The following NEO1 variants were observed in gnomAD, a reference collection of about 807,000 sequenced individuals.
The protein encoded by NEO1 is neogenin 1.
A neutral mutation model predicts 159.7 loss-of-function variants in NEO1; 63 were observed. The ratio of observed to expected loss-of-function variants is 0.39; its 90% CI spans 0.32 to 0.49. The LOEUF (loss-of-function observed/expected upper bound fraction) is 0.49. Ranked by LOEUF, NEO1 falls within the 20% of genes least tolerant of loss-of-function variation. The pLI is 0.85. For missense variants in NEO1, 1,615 were observed against 1,831.0 expected (o/e 0.88, Z 2.15); for synonymous variants, 633 against 662.0 (o/e 0.96, Z 0.67).
At chr15:73,249,766 C>G in intron 11 of NEO1, 45 bp downstream of exon 11, 1 of 1,563,272 alleles carries the variant, frequency 6.4e-7, no homozygotes. Flanking sequence ...CTTGGTGCCC[C>G]TAGTGGTTTA....
chr15:73,264,724 A>G (rs1269744751), intron 15 of NEO1, among the ~76,000 whole-genome samples: 1 of 152,138 alleles, frequency 6.6e-6, no homozygotes, highest in Non-Finnish European at 1.5e-5. Context: ...CCATATAAAC[A>G]TCTGCCTACT....
chr15:73,162,169 T>C, intron 5 of NEO1: 2 of 222,310 alleles, frequency 9.0e-6, no homozygotes, highest in Non-Finnish European at 1.9e-5. Flanking sequence ...ACTTTCCAAA[T>C]GTACCTAAGA....
At chr15:73,122,283 T>C (rs2071712489) in intron 2 of NEO1, among the ~76,000 whole-genome samples, 1 of 151,686 alleles carries the variant, frequency 6.6e-6, no homozygotes, top group Non-Finnish European at 1.5e-5. Flanking sequence ...ATTCTACCCA[T>C]CTCCTTTTCA....
chr15:73,266,386 G>A lies in NEO1; in HGVS notation c.2469G>A (p.Glu823=), dbSNP rs1390932427. 6.2e-7 allele frequency: 1 copy of A among 1,613,360 alleles called. No homozygotes were observed. The highest frequency in any genetic ancestry group is 8.5e-7 in the Non-Finnish European group (1 of 1,179,680). Residue 823 remains glutamate, a synonymous_variant, in exon 16 of 29, where the codon GAG becomes GAA. Coordinates refer to ENST00000261908, the MANE Select transcript of NEO1 (RefSeq NM_002499.4). ...NNVGEGIPLY[E]SAVTRPHTDT... The stretch of plus-strand genomic sequence containing the variant: ...TGGGTGAAGGCATCCCCCTGTATGA[G>A]AGTGCTGTGACCAGGCCTCACACAG...
At chr15:73,119,444 T>A (rs2071505902) in intron 2 of NEO1, among the ~76,000 whole-genome samples, 1 of 152,244 alleles carries the variant, frequency 6.6e-6, no homozygotes, top group Non-Finnish European at 1.5e-5. Context: ...GGTCTTTTTC[T>A]CTGAGCTGTC....
intron 1 of NEO1, among the ~76,000 whole-genome samples, chr15:73,087,231 A>G (rs569105781): frequency 4.4e-4 from 67 of 152,284 alleles, no homozygotes; most frequent in African/African-American, 1.6e-3. Context: ...AATTTTGTCA[A>G]ATACATTTCT....
At chr15:73,122,063 G>GTATATATATATA (rs200219694) in intron 2 of NEO1, among the ~76,000 whole-genome samples, 19 of 126,358 alleles carry the variant, frequency 1.5e-4, no homozygotes, top group Non-Finnish European at 2.5e-4. Context: ...GTGTGTGTGT[G>GTATATATATATA]TATATATATA....
chr15:73,272,658 T>G (rs1484449403), intron 19 of NEO1, 96 bp downstream of exon 19: 8 of 876,494 alleles, frequency 9.1e-6, no homozygotes, highest in Non-Finnish European at 1.5e-5. Flanking sequence ...AGTGGGAGTC[T>G]GAAGGCTGGC....
At chr15:73,224,889 G>A (rs1486669117) in intron 7 of NEO1, among the ~76,000 whole-genome samples, 6 of 152,042 alleles carry the variant, frequency 3.9e-5, no homozygotes, top group South Asian at 2.1e-4. Context: ...TAGTTTTGTC[G>A]TATTACCAGA....
intron 2 of NEO1, among the ~76,000 whole-genome samples, chr15:73,119,865 A>G (rs901990535): frequency 6.6e-6 from 1 of 152,240 alleles, no homozygotes; most frequent in Non-Finnish European, 1.5e-5. Context: ...AGCTGGGCGC[A>G]GTGGCTTACG....
intron 7 of NEO1, among the ~76,000 whole-genome samples, chr15:73,192,254 T>A (rs1315352223): frequency 6.8e-6 from 1 of 147,954 alleles, no homozygotes; most frequent in African/African-American, 2.5e-5. Flanking sequence ...CACTTACACA[T>A]ACATATACAC....
At chr15:73,153,750 A>G (rs1353412869) in intron 5 of NEO1, among the ~76,000 whole-genome samples, 3 of 152,228 alleles carry the variant, frequency 2.0e-5, no homozygotes, top group African/African-American at 7.2e-5. Flanking sequence ...CCTGACTTAC[A>G]TCTGATACTG....
intron 4 of NEO1, 39 bp downstream of exon 4, chr15:73,126,609 C>T (rs776703615): frequency 9.8e-5 from 156 of 1,584,678 alleles, no homozygotes; most frequent in Non-Finnish European, 1.2e-4. Context: ...TCAGCCTTAG[C>T]TTGAGACTTT....
chr15:73,080,460 G>GCAGTGTT (rs1259690264), intron 1 of NEO1, among the ~76,000 whole-genome samples: 1 of 152,082 alleles, frequency 6.6e-6, no homozygotes, highest in African/African-American at 2.4e-5. Flanking sequence ...AGAGGCTCTA[G>GCAGTGTT]CAGTGTAGTG....
At chr15:73,052,297 C>CCCCCCG (rs528003048), upstream of NEO1, among the ~76,000 whole-genome samples, 351 of 139,022 alleles carry the variant, frequency 2.5e-3, 3 homozygotes, top group East Asian at 0.025. Flanking sequence ...GGGACTCCCG[C>CCCCCCG]CCCCCGCCCC....
At chr15:73,139,071 T>G (rs1055646107) in intron 5 of NEO1, among the ~76,000 whole-genome samples, 4 of 152,194 alleles carry the variant, frequency 2.6e-5, no homozygotes, top group South Asian at 4.1e-4. Flanking sequence ...GTCTCTTCAG[T>G]AGATGGTCCT....
At chr15:73,065,417 T>C (rs2068167004) in intron 1 of NEO1, among the ~76,000 whole-genome samples, 1 of 152,204 alleles carries the variant, frequency 6.6e-6, no homozygotes, top group Non-Finnish European at 1.5e-5. Context: ...CTTTTGTCTG[T>C]CTGAAAACAT....
At chr15:73,135,849 G>C in intron 4 of NEO1, 42 bp from the exon 5 acceptor site, 4 of 1,437,338 alleles carry the variant, frequency 2.8e-6, no homozygotes, top group Non-Finnish European at 3.6e-6. Flanking sequence ...TATTTTCCTA[G>C]TACTGAAATG....
At chr15:73,117,709 A>C (rs1304148160) in intron 2 of NEO1, among the ~76,000 whole-genome samples, 1 of 152,174 alleles carries the variant, frequency 6.6e-6, no homozygotes, top group Non-Finnish European at 1.5e-5. Context: ...TTCAGAGCAT[A>C]ATGGCTGGTT....
Sources: gnomAD v4.1 joint callset for allele counts (sites outside exome capture counted in the v4.1 genomes callset) on GRCh38, gnomAD v4.1.1 for gene constraint, MANE v1.5 for transcripts, NCBI Gene and HGNC (gene_info 2026-07-23, HGNC 2026-07-21) for gene names.